Variants in EFCAB6 observed in about 807,000 individuals in gnomAD.
The protein encoded by EFCAB6 is EF-hand calcium-binding domain-containing protein 6.
Under a neutral mutation model 169.8 loss-of-function variants are expected in EFCAB6, and 156 were observed. The observed-to-expected ratio is 0.92, with a 90% CI of 0.81 to 1.05. The LOEUF (loss-of-function observed/expected upper bound fraction) is 1.05, where lower values mean the gene tolerates loss of function less well. EFCAB6 is among the 50% of genes least tolerant of loss of function. The pLI is 0.00. For missense variants in EFCAB6, 1,800 were observed against 1,829.1 expected (o/e 0.98, Z 0.29); for synonymous variants, 698 against 676.4 (o/e 1.03, Z -0.50).
At chr22:43,687,778 T>C (rs567274203) in intron 10 of EFCAB6, among the ~76,000 whole-genome samples, 197 bp from the exon 11 acceptor site, 71 of 152,218 alleles carry the variant, frequency 4.7e-4, no homozygotes, top group Non-Finnish European at 8.8e-4. Flanking sequence ...CAAACTGATA[T>C]TAGATCTGCA....
chr22:43,786,615 G>A (rs1325081790), intron 2 of EFCAB6, among the ~76,000 whole-genome samples: 2 of 151,998 alleles, frequency 1.3e-5, no homozygotes, highest in Non-Finnish European at 2.9e-5. Flanking sequence ...CCAGCTACTC[G>A]GGTGGCTGAG....
At chr22:43,783,952 C>T (rs934338019) in intron 2 of EFCAB6, among the ~76,000 whole-genome samples, 3 of 152,064 alleles carry the variant, frequency 2.0e-5, no homozygotes, top group Admixed American at 2.0e-4. Context: ...CACCCATGGT[C>T]TCAGCCACCA....
chr22:43,583,798 G>A (rs1462768431), intron 24 of EFCAB6, among the ~76,000 whole-genome samples: 1 of 152,102 alleles, frequency 6.6e-6, no homozygotes, highest in Non-Finnish European at 1.5e-5. Flanking sequence ...CCTCAATTCT[G>A]AACTTCCTAG....
chr22:43,793,236 C>T (rs1038156043), intron 2 of EFCAB6, among the ~76,000 whole-genome samples: 1 of 152,192 alleles, frequency 6.6e-6, no homozygotes, highest in African/African-American at 2.4e-5. Flanking sequence ...ACAGAGTACA[C>T]TGCAGGGAGT....
chr22:43,580,952 T>C (rs981195256), intron 24 of EFCAB6, among the ~76,000 whole-genome samples: 1 of 152,108 alleles, frequency 6.6e-6, no homozygotes, highest in Non-Finnish European at 1.5e-5. Flanking sequence ...GATATCAGGG[T>C]TCGTGGCTTT....
At chr22:43,620,196 G>A (rs1602660722) in intron 20 of EFCAB6, among the ~76,000 whole-genome samples, 1 of 152,008 alleles carries the variant, frequency 6.6e-6, no homozygotes, top group African/African-American at 2.4e-5. Flanking sequence ...ACCTGTGATT[G>A]CAGCTACTTG....
intron 22 of EFCAB6, among the ~76,000 whole-genome samples, chr22:43,602,199 A>C (rs952285244): frequency 9.9e-5 from 15 of 152,188 alleles, no homozygotes; most frequent in African/African-American, 3.6e-4. Context: ...TCAGCTCCTT[A>C]TCCCCTGCAG....
At chr22:43,663,808 T>A (rs1366309884) in intron 17 of EFCAB6, among the ~76,000 whole-genome samples, 1 of 152,216 alleles carries the variant, frequency 6.6e-6, no homozygotes, top group Non-Finnish European at 1.5e-5. Flanking sequence ...GTGAGAAGTC[T>A]ACAGTGTACC....
intron 17 of EFCAB6, among the ~76,000 whole-genome samples, chr22:43,662,887 C>T (rs2057074375): frequency 1.3e-5 from 2 of 152,190 alleles, no homozygotes; most frequent in Non-Finnish European, 2.9e-5. Context: ...GCCAGGCCCA[C>T]ATGACACCCA....
intron 6 of EFCAB6, among the ~76,000 whole-genome samples, chr22:43,738,209 C>G (rs967853707): frequency 2.0e-5 from 3 of 151,436 alleles, no homozygotes. Flanking sequence ...CAAACTCACA[C>G]ACGTGCATAT....
At chr22:43,806,925 C>T (rs958391215) in intron 2 of EFCAB6, among the ~76,000 whole-genome samples, 1 of 152,216 alleles carries the variant, frequency 6.6e-6, no homozygotes, top group African/African-American at 2.4e-5. Flanking sequence ...GTAATTCCAT[C>T]ACTTTGCTGT....
intron 31 of EFCAB6, among the ~76,000 whole-genome samples, chr22:43,529,614 G>A (rs1031009347): frequency 9.9e-5 from 15 of 152,150 alleles, no homozygotes; most frequent in African/African-American, 3.6e-4. Context: ...TAAAGGAGAG[G>A]GGCATGCCCT....
intron 17 of EFCAB6, among the ~76,000 whole-genome samples, chr22:43,655,698 CA>C (rs2056704434): frequency 1.3e-5 from 2 of 152,130 alleles, no homozygotes; most frequent in South Asian, 4.2e-4. Flanking sequence ...GTGGAAGACT[CA>C]GACTATCAGA....
intron 5 of EFCAB6, among the ~76,000 whole-genome samples, chr22:43,760,112 A>G (rs1326176336): frequency 1.3e-5 from 2 of 151,684 alleles, no homozygotes; most frequent in Non-Finnish European, 2.9e-5. Context: ...GTTGAGACAG[A>G]AGAACCGCTT....
At chr22:43,798,662 C>T (rs1361933150) in intron 2 of EFCAB6, among the ~76,000 whole-genome samples, 2 of 152,218 alleles carry the variant, frequency 1.3e-5, no homozygotes, top group Non-Finnish European at 2.9e-5. Context: ...ATCATCACTA[C>T]GTCTCCAGAC....
chr22:43,691,657 A>T (rs1350402263), intron 10 of EFCAB6, among the ~76,000 whole-genome samples: 1 of 152,228 alleles, frequency 6.6e-6, no homozygotes. Context: ...CAAACAACAG[A>T]TTAATAAAAT....
At chr22:43,759,040 T>A (rs963595256) in intron 5 of EFCAB6, among the ~76,000 whole-genome samples, 2 of 152,222 alleles carry the variant, frequency 1.3e-5, no homozygotes, top group African/African-American at 4.8e-5. Context: ...CTGACCAGCA[T>A]GGTGAAACCC....
chr22:43,599,938 G>C lies in EFCAB6; in HGVS notation c.2876+131C>G, dbSNP rs1021539948. 9.5e-6 allele frequency: 10 copies of C among 1,054,468 alleles called. No homozygotes were observed. In the African/African-American group the frequency reaches 1.6e-4, roughly 17 times the overall value. 65.3% of individuals were successfully genotyped at this position (1,054,468 alleles called of 1,614,324 possible). A position where few individuals can be genotyped will look rare whatever the true frequency, so the allele number is the denominator to read the frequency against. On this transcript the variant is annotated intron_variant, in intron 23 of 31. Transcript: ENST00000262726. ...GCACCAATTTCTAGAATCGACAACT[G>C]TGAACAAGCACGATCATTTCCCTGT...
At chr22:43,722,308 C>G (rs761441121) in intron 8 of EFCAB6, among the ~76,000 whole-genome samples, 1 of 151,822 alleles carries the variant, frequency 6.6e-6, no homozygotes, top group African/African-American at 2.4e-5. Flanking sequence ...GGGCAGATCA[C>G]GAGGTCAAGA....
Sources: gnomAD v4.1 joint callset for allele counts (sites outside exome capture counted in the v4.1 genomes callset) on GRCh38, gnomAD v4.1.1 for gene constraint, MANE v1.5 for transcripts, NCBI Gene and HGNC (gene_info 2026-07-23, HGNC 2026-07-21) for gene names.